ADAMTS17: variants seen among roughly 807,000 people sequenced by gnomAD.
ADAMTS17 encodes ADAM metallopeptidase with thrombospondin type 1 motif 17, also known as A disintegrin and metalloproteinase with thrombospondin motifs 17.
A neutral mutation model predicts 141.5 loss-of-function variants in ADAMTS17; 113 were observed. The observed-to-expected ratio is 0.80, with a 90% confidence interval of 0.69 to 0.93. The LOEUF (loss-of-function observed/expected upper bound fraction) is 0.93, where lower values mean the gene tolerates loss of function less well. Ranked by LOEUF, ADAMTS17 falls within the 40% of genes least tolerant of loss-of-function variation. The pLI, the probability that ADAMTS17 is intolerant of heterozygous loss-of-function variation, is 0.00. For missense variants in ADAMTS17, 1,659 were observed against 1,517.9 expected, an observed-to-expected ratio of 1.09 and a Z score of -1.54; for synonymous variants, 768 against 630.6, an observed-to-expected ratio of 1.22 and a Z score of -3.27.
intron 3 of ADAMTS17, among the ~76,000 whole-genome samples, chr15:100,292,341 C>T (rs565869686): frequency 2.0e-4 from 30 of 146,700 alleles, no homozygotes; most frequent in Non-Finnish European, 2.7e-4. Flanking sequence ...TGTGGAATTA[C>T]GAGAGACACT....
chr15:100,325,211 C>T (rs1305267510), intron 3 of ADAMTS17, among the ~76,000 whole-genome samples: 1 of 152,154 alleles, frequency 6.6e-6, no homozygotes, highest in Non-Finnish European at 1.5e-5. Flanking sequence ...GGTAAGAAAA[C>T]AGAGGCTGTG....
At chr15:100,253,369 G>A (rs1173556717) in intron 7 of ADAMTS17, among the ~76,000 whole-genome samples, 1 of 80,788 alleles carries the variant, frequency 1.2e-5, no homozygotes, top group Non-Finnish European at 2.5e-5. Context: ...GGAAGGTAGA[G>A]GGGGAGGGGA....
At position 100,143,519 on chromosome 15, in the gene ADAMTS17, T is replaced by G. The variant is rs575360613; in HGVS notation, c.1473+9093A>C. Among the ~76,000 whole-genome samples the G allele has an allele frequency of 8.5e-5, 13 of 152,354 alleles. No individual in the cohort carries two copies. In the South Asian group the frequency reaches 2.7e-3, roughly 32 times the overall value. On this transcript the variant is annotated intron_variant, in intron 10 of 21. Transcript: ENST00000268070. ...GACTTTCTTGAAATGCTTTATTGAA[T>G]TAAAAACATCACATTACCATTGGCT...
rs190494402 is a variant in ADAMTS17, at chr15:100,132,343, C to T, written c.1576-191G>A. On this transcript the variant is annotated intron_variant, in intron 11 of 21. Transcript: ENST00000268070. ...TACTTACTCAAACTGACACTCATAT[C>T]GCTGTAGGGTTTGGATTTTGCCCTC... Among the ~76,000 whole-genome samples the T allele has an allele frequency of 4.6e-4, 70 of 152,354 alleles. 1 individual carries two copies. The highest frequency in any genetic ancestry group is 9.4e-4 in the Non-Finnish European group (64 of 68,032).
At chr15:100,087,908 A>G (rs1006170540) in intron 15 of ADAMTS17, among the ~76,000 whole-genome samples, 2 of 152,248 alleles carry the variant, frequency 1.3e-5, no homozygotes, top group African/African-American at 4.8e-5. Flanking sequence ...AACTGGAAGC[A>G]TTCCCTTTGA....
At chr15:100,202,236 G>A (rs189798989) in intron 7 of ADAMTS17, among the ~76,000 whole-genome samples, 17 of 152,344 alleles carry the variant, frequency 1.1e-4, no homozygotes, top group Admixed American at 1.1e-3. Flanking sequence ...TAGGTAACGT[G>A]CAATGCTAGT....
intron 6 of ADAMTS17, among the ~76,000 whole-genome samples, chr15:100,255,617 A>AACACACACACACACAC (rs10529356): frequency 0.04 from 5,569 of 140,226 alleles, 146 homozygotes; most frequent in Middle Eastern, 0.054. Flanking sequence ...TGTTTTGAGC[A>AACACACACACACACAC]ACACACACAC....
intron 7 of ADAMTS17, among the ~76,000 whole-genome samples, chr15:100,250,977 A>G (rs561357990): frequency 6.6e-6 from 1 of 152,348 alleles, no homozygotes; most frequent in South Asian, 2.1e-4. Flanking sequence ...TTTTCTGTTC[A>G]TCGAATCATC....
At chr15:100,210,703 C>A (rs564443545) in intron 7 of ADAMTS17, among the ~76,000 whole-genome samples, 93 of 152,332 alleles carry the variant, frequency 6.1e-4, no homozygotes, top group Admixed American at 1.8e-3. Flanking sequence ...CAGTGGCTCA[C>A]GCCTGTAATC....
intron 10 of ADAMTS17, among the ~76,000 whole-genome samples, chr15:100,142,273 A>C (rs1278228857): frequency 1.3e-5 from 2 of 152,164 alleles, no homozygotes; most frequent in Non-Finnish European, 2.9e-5. Flanking sequence ...TGCCCATGTA[A>C]ATCTGCAGGA....
intron 8 of ADAMTS17, among the ~76,000 whole-genome samples, chr15:100,197,637 C>T (rs1027321406): frequency 1.3e-5 from 2 of 152,176 alleles, no homozygotes; most frequent in Non-Finnish European, 1.5e-5. Flanking sequence ...GACAACTTCT[C>T]ATCTTGCTTC....
chr15:100,098,843 A>G (rs1375642367), intron 14 of ADAMTS17, among the ~76,000 whole-genome samples: 3 of 152,316 alleles, frequency 2.0e-5, no homozygotes, highest in South Asian at 2.1e-4. Context: ...CACAGGGCCA[A>G]TGCCCACAGA....
chr15:100,283,891 C>T (rs146341882), intron 3 of ADAMTS17, among the ~76,000 whole-genome samples: 23 of 152,188 alleles, frequency 1.5e-4, no homozygotes, highest in Non-Finnish European at 2.6e-4. Flanking sequence ...AGATCACTTG[C>T]GGTCAGGAGT....
chr15:100,226,450 T>C (rs973567159), intron 7 of ADAMTS17, among the ~76,000 whole-genome samples: 3 of 152,166 alleles, frequency 2.0e-5, no homozygotes, highest in African/African-American at 7.2e-5. Context: ...CATAATACAA[T>C]CAGAAGCACA....
At chr15:100,065,218 C>A (rs888907882) in intron 15 of ADAMTS17, among the ~76,000 whole-genome samples, 1 of 152,096 alleles carries the variant, frequency 6.6e-6, no homozygotes, top group Non-Finnish European at 1.5e-5. Context: ...TTTTCAACAC[C>A]TCTTAATGCA....
chr15:100,316,474 C>A (rs62038104), intron 3 of ADAMTS17, among the ~76,000 whole-genome samples: 1 of 152,138 alleles, frequency 6.6e-6, no homozygotes, highest in Non-Finnish European at 1.5e-5. Flanking sequence ...AAGCCCATTG[C>A]CTGCAGCAAC....
At chr15:100,315,584 C>T (rs1277221716) in intron 3 of ADAMTS17, among the ~76,000 whole-genome samples, 5 of 152,088 alleles carry the variant, frequency 3.3e-5, no homozygotes, top group African/African-American at 4.8e-5. Flanking sequence ...ACCTATAATC[C>T]CAGCATTCTG....
At chr15:100,260,186 G>T (rs905676151) in intron 6 of ADAMTS17, among the ~76,000 whole-genome samples, 1 of 152,196 alleles carries the variant, frequency 6.6e-6, no homozygotes, top group African/African-American at 2.4e-5. Context: ...GCACTGTCCG[G>T]TGTCTGGGGC....
At chr15:100,194,884 C>T (rs931913882) in intron 8 of ADAMTS17, among the ~76,000 whole-genome samples, 3 of 152,166 alleles carry the variant, frequency 2.0e-5, no homozygotes, top group Non-Finnish European at 4.4e-5. Flanking sequence ...CTGTTGTAGC[C>T]ATCTTCCCAT....
Sources: gnomAD v4.1 joint callset for allele counts (sites outside exome capture counted in the v4.1 genomes callset) on GRCh38, gnomAD v4.1.1 for gene constraint, MANE v1.5 for transcripts, NCBI Gene and HGNC (gene_info 2026-07-23, HGNC 2026-07-21) for gene names.